PLB1: variants seen among roughly 807,000 people sequenced by gnomAD.
PLB1 encodes the protein phospholipase B1.
PLB1 carries 242 observed loss-of-function variants against 227.4 expected under a neutral mutation model. That is an observed-to-expected ratio of 1.06 (90% CI 0.96 to 1.18). The LOEUF (loss-of-function observed/expected upper bound fraction) is 1.18, where lower values mean the gene tolerates loss of function less well. Ranked by LOEUF, PLB1 falls within the 50% of genes most tolerant of loss-of-function variation. The pLI, the probability that PLB1 is intolerant of heterozygous loss-of-function variation, is 0.00. For missense variants in PLB1, 1,858 were observed against 1,816.3 expected, an observed-to-expected ratio of 1.02 and a Z score of -0.42; for synonymous variants, 757 against 682.2, an observed-to-expected ratio of 1.11 and a Z score of -1.71.
At chr2:28,585,868 T>TTCC in intron 26 of PLB1, 26 bp downstream of exon 26, 1 of 1,530,406 alleles carries the variant, frequency 6.5e-7, no homozygotes, top group Middle Eastern at 1.7e-4. Flanking sequence ...GTTCTAAGAC[T>TTCC]TCCCAGAACT....
intron 1 of PLB1, among the ~76,000 whole-genome samples, chr2:28,503,650 C>G (rs1667343276): frequency 6.6e-6 from 1 of 152,168 alleles, no homozygotes; most frequent in Admixed American, 6.5e-5. Context: ...AATGAGATGT[C>G]TGGGGACTTG....
At chr2:28,625,151 C>G in intron 50 of PLB1, 43 bp downstream of exon 50, 5 of 1,576,626 alleles carry the variant, frequency 3.2e-6, no homozygotes, top group Non-Finnish European at 4.4e-6. Context: ...GTGCCCATCT[C>G]CTGCTGGCTG....
chr2:28,630,670 C>T lies in PLB1; in HGVS notation c.3897+6C>T. ...AAGTGAACTGGAACCTCCAGGTAAG[C>T]CCTGCAGCCCTTCTCTTACTGACCC... On this transcript the variant is annotated splice_donor_region_variant and intron_variant, in intron 54 of 57. Coordinates refer to ENST00000327757, the MANE Select transcript of PLB1 (RefSeq NM_153021.5). 6.2e-7 allele frequency: 1 copy of T among 1,607,198 alleles called. No individual in the cohort carries two copies. The highest frequency in any genetic ancestry group is 8.5e-7 in the Non-Finnish European group (1 of 1,176,558).
chr2:28,638,676 T>G (rs1689641937), intron 56 of PLB1, among the ~76,000 whole-genome samples: 1 of 151,422 alleles, frequency 6.6e-6, no homozygotes, highest in African/African-American at 2.4e-5. Context: ...ACTGGGTGGA[T>G]GATTGAGCAG....
Position 28,549,983 on chromosome 2 carries a change from ATTCCAACATGTCACCT to A in PLB1, c.1009-22_1009-7del. 1 of 1,595,658 alleles carries A rather than the reference ATTCCAACATGTCACCT, an allele frequency of 6.3e-7. No individual in the cohort carries two copies. The highest frequency in any genetic ancestry group is 8.6e-7 in the Non-Finnish European group (1 of 1,164,240). The stretch of plus-strand genomic sequence containing the variant: ...AGGGATACAGACTTCTAGGGTCACG[ATTCCAACATGTCACCT>A]TTCCCTGCAGGAGAGCCCCTATCTG... On this transcript the variant is annotated splice_polypyrimidine_tract_variant and intron_variant, in intron 15 of 57. Transcript: ENST00000327757.
At position 28,618,390 on chromosome 2, in the gene PLB1, C is replaced by G; in HGVS notation, c.3306C>G (p.Asp1102Glu). The G allele has an allele frequency of 1.2e-6, 2 of 1,614,118 alleles. No homozygotes were observed. Among genetic ancestry groups the G allele is most frequent in the Non-Finnish European group, 1.7e-6 (2 of 1,179,972 alleles). The change falls in exon 46 of 58, where the codon GAC (aspartate) becomes GAG (glutamate). Residue 1102 changes from aspartate (D) to glutamate (E), a missense_variant. Coordinates refer to ENST00000327757, the MANE Select transcript of PLB1 (RefSeq NM_153021.5). ...TCAAAGTGGTGGCCGCCCTGGGTGACTCTCTGACTGTGAGTAGTGAGCCAT... is the reference window on the plus strand; with the variant it reads ...TCAAAGTGGTGGCCGCCCTGGGTGAGTCTCTGACTGTGAGTAGTGAGCCAT... ...ADIKVVAALG[D>E]SLTTAVGARP...
At chr2:28,624,959 T>A in intron 49 of PLB1, 98 bp from the exon 50 acceptor site, 1 of 1,139,578 alleles carries the variant, frequency 8.8e-7, no homozygotes, top group Non-Finnish European at 1.3e-6. Flanking sequence ...GGTAACATCA[T>A]TCTTCTTGAA....
intron 21 of PLB1, among the ~76,000 whole-genome samples, chr2:28,574,448 T>G (rs536994949): frequency 5.5e-4 from 82 of 148,684 alleles, no homozygotes; most frequent in Non-Finnish European, 9.2e-4. Flanking sequence ...AGTAGTGTGA[T>G]CTCAGCTCAC....
At chr2:28,511,505 G>T (rs1417660916) in intron 1 of PLB1, among the ~76,000 whole-genome samples, 1 of 152,144 alleles carries the variant, frequency 6.6e-6, no homozygotes. Context: ...TCCCAACTGG[G>T]ATCATTTTCC....
intron 1 of PLB1, 117 bp from the exon 2 acceptor site, chr2:28,516,689 CAG>C (rs1433691693): frequency 4.7e-6 from 4 of 857,976 alleles, no homozygotes; most frequent in Non-Finnish European, 7.6e-6. Context: ...TTCCCTAACA[CAG>C]TGGACATTAC....
chr2:28,550,650 C>T (rs1674098283), intron 16 of PLB1, among the ~76,000 whole-genome samples: 1 of 151,614 alleles, frequency 6.6e-6, no homozygotes, highest in Admixed American at 6.6e-5. Flanking sequence ...AAGCGATTCT[C>T]CTGCCTCAGC....
chr2:28,525,997 C>A (rs1274037770), intron 6 of PLB1, 52 bp downstream of exon 6: 19 of 1,597,788 alleles, frequency 1.2e-5, no homozygotes, highest in Non-Finnish European at 1.5e-5. Context: ...TCCTTCCCAA[C>A]ACAGCAGCAT....
At chr2:28,574,824 A>AAG (rs1678658866) in intron 21 of PLB1, among the ~76,000 whole-genome samples, 1 of 152,144 alleles carries the variant, frequency 6.6e-6, no homozygotes, top group East Asian at 1.9e-4. Context: ...AGCTCCATCC[A>AAG]AGTTGCTGCA....
At position 28,541,819 on chromosome 2, in the gene PLB1, G is replaced by C; in HGVS notation, c.879+8G>C. 1.3e-6 allele frequency: 2 copies of C among 1,599,660 alleles called. No homozygotes were observed. The highest frequency in any genetic ancestry group is 1.7e-6 in the Non-Finnish European group (2 of 1,167,202). On this transcript the variant is annotated splice_region_variant and intron_variant, in intron 13 of 57. Coordinates refer to ENST00000327757, the MANE Select transcript of PLB1 (RefSeq NM_153021.5). ...ACCCCATCTCTACACTCGGTAAGTG[G>C]GGGCTGCATGGCGTATCAAGAGTGT...
chr2:28,628,450 C>T, intron 51 of PLB1, 113 bp from the exon 52 acceptor site: 2 of 874,884 alleles, frequency 2.3e-6, no homozygotes, highest in South Asian at 1.4e-5. Context: ...ACCACCGAAG[C>T]CCCTCTGTAC....
chr2:28,600,818 G>A lies in PLB1; in HGVS notation c.2484G>A (p.Met828Ile), dbSNP rs1683752014. The A allele has an allele frequency of 6.2e-7, 1 of 1,613,542 alleles. No homozygotes were observed. The highest frequency in any genetic ancestry group is 1.3e-5 in the African/African-American group (1 of 75,028). The change falls in exon 36 of 58, where the codon ATG becomes ATA. Residue 828 changes from methionine (M) to isoleucine (I), a missense_variant. Coordinates refer to ENST00000327757, the MANE Select transcript of PLB1 (RefSeq NM_153021.5). ...TTTCTCTCTTTCTCAGGGATCTTAT[G>A]AGCCAAGTCCAAACTCTGATGCAGA... ...AVPGAKAEDL[M>I]SQVQTLMQKM...
chr2:28,573,327 G>A lies in PLB1; in HGVS notation c.1433+22G>A, dbSNP rs754294413. Reference sequence around the variant, plus strand: ...CTGAGTAAGCAGGGGTGACCGGGGCGGTGAACAGCACAGGTCCTCTGAGGA... The same window carrying A: ...CTGAGTAAGCAGGGGTGACCGGGGCAGTGAACAGCACAGGTCCTCTGAGGA... On this transcript the variant is annotated intron_variant, in intron 21 of 57. Coordinates refer to ENST00000327757, the MANE Select transcript of PLB1 (RefSeq NM_153021.5). 119 of 1,562,472 alleles carry A rather than the reference G, an allele frequency of 7.6e-5. No individual in the cohort carries two copies. The East Asian group carries it at 1.6e-3, about 21-fold the overall frequency.
chr2:28,597,737 CA>C (rs1190178506), intron 33 of PLB1, among the ~76,000 whole-genome samples: 1 of 152,178 alleles, frequency 6.6e-6, no homozygotes, highest in Non-Finnish European at 1.5e-5. Flanking sequence ...TGTCTGGGCA[CA>C]TAGTATATAC....
At chr2:28,545,716 T>G (rs966751042) in intron 14 of PLB1, among the ~76,000 whole-genome samples, 1 of 151,276 alleles carries the variant, frequency 6.6e-6, no homozygotes, top group African/African-American at 2.4e-5. Flanking sequence ...AGGGCGGGAG[T>G]CTCTGCCACC....
Sources: gnomAD v4.1 joint callset for allele counts (sites outside exome capture counted in the v4.1 genomes callset) on GRCh38, gnomAD v4.1.1 for gene constraint, MANE v1.5 for transcripts, NCBI Gene and HGNC (gene_info 2026-07-23, HGNC 2026-07-21) for gene names.